Variants in SLC25A26 observed in about 807,000 individuals in gnomAD.
The protein encoded by SLC25A26 is solute carrier family 25 member 26, also known as mitochondrial S-adenosylmethionine carrier protein.
Under a neutral mutation model 37.8 loss-of-function variants are expected in SLC25A26, and 36 were observed. That is an observed-to-expected ratio of 0.95 (90% CI 0.73 to 1.26). The LOEUF (loss-of-function observed/expected upper bound fraction) is 1.26. Ranked by LOEUF, SLC25A26 falls within the 50% of genes most tolerant of loss-of-function variation. The pLI is 0.00. For missense variants in SLC25A26, 390 were observed against 331.1 expected, an observed-to-expected ratio of 1.18 and a Z score of -1.38; for synonymous variants, 129 against 122.5, an observed-to-expected ratio of 1.05 and a Z score of -0.35.
Position 66,370,514 on chromosome 3 carries a change from T to G in SLC25A26, c.634-15T>G, listed in dbSNP as rs377402280. The stretch of plus-strand genomic sequence containing the variant: ...CTTCAGAAGATAACGGGTTTCTCTT[T>G]GTCTGTTCACACAGGCTGGCTCCAG... On this transcript the variant is annotated splice_polypyrimidine_tract_variant and intron_variant, in intron 8 of 9. Transcript: ENST00000354883. 6.5e-5 allele frequency: 105 copies of G among 1,612,024 alleles called. No homozygotes were observed. The African/African-American group carries it at 1.2e-3, about 18-fold the overall frequency.
intron 1 of SLC25A26, among the ~76,000 whole-genome samples, chr3:66,181,309 T>A (rs1342721279): frequency 2.0e-5 from 3 of 152,224 alleles, no homozygotes. Context: ...TCCCAGTTGA[T>A]CACTTACTAG....
intron 1 of SLC25A26, among the ~76,000 whole-genome samples, chr3:66,172,605 G>A (rs1355748663): frequency 6.6e-6 from 1 of 152,146 alleles, no homozygotes; most frequent in Non-Finnish European, 1.5e-5. Context: ...TTAAACAACA[G>A]AAATATATTG....
At chr3:66,319,302 C>T (rs1278106474) in intron 5 of SLC25A26, among the ~76,000 whole-genome samples, 1 of 151,888 alleles carries the variant, frequency 6.6e-6, no homozygotes, top group African/African-American at 2.4e-5. Flanking sequence ...GAGGGAGTGC[C>T]AGAGACAAGT....
At chr3:66,290,538 T>G (rs1047488437) in intron 5 of SLC25A26, among the ~76,000 whole-genome samples, 1 of 152,208 alleles carries the variant, frequency 6.6e-6, no homozygotes, top group African/African-American at 2.4e-5. Flanking sequence ...ATGTTGAATT[T>G]TATTGAAGGC....
intron 1 of SLC25A26, among the ~76,000 whole-genome samples, chr3:66,192,053 A>C (rs1302354428): frequency 6.6e-6 from 1 of 152,110 alleles, no homozygotes; most frequent in African/African-American, 2.4e-5. Flanking sequence ...GCAATGGCTC[A>C]CGCCTGTAAT....
intron 6 of SLC25A26, among the ~76,000 whole-genome samples, chr3:66,357,584 C>T (rs1202163226): frequency 6.6e-6 from 1 of 152,050 alleles, no homozygotes; most frequent in Non-Finnish European, 1.5e-5. Flanking sequence ...CATTCGGGCC[C>T]CTTAATGCCC....
chr3:66,174,178 T>C (rs2070540990), intron 1 of SLC25A26, among the ~76,000 whole-genome samples: 1 of 152,334 alleles, frequency 6.6e-6, no homozygotes, highest in Non-Finnish European at 1.5e-5. Flanking sequence ...ACAAGACTTA[T>C]TTAATTCTTC....
At chr3:66,364,861 G>T (rs1296470887) in intron 7 of SLC25A26, among the ~76,000 whole-genome samples, 1 of 152,056 alleles carries the variant, frequency 6.6e-6, no homozygotes, top group Admixed American at 6.5e-5. Context: ...TTTTTCTGCT[G>T]AAGTTCTGAT....
chr3:66,186,389 C>G (rs1256548699), intron 1 of SLC25A26, among the ~76,000 whole-genome samples: 2 of 151,898 alleles, frequency 1.3e-5, no homozygotes, highest in Non-Finnish European at 2.9e-5. Context: ...TAAATGAAAT[C>G]TGACCATGAT....
chr3:66,340,600 T>G (rs1293995187), intron 5 of SLC25A26, among the ~76,000 whole-genome samples: 1 of 152,018 alleles, frequency 6.6e-6, no homozygotes, highest in Non-Finnish European at 1.5e-5. Flanking sequence ...GTTTTGAGGT[T>G]GGGGTCAAGG....
intron 5 of SLC25A26, among the ~76,000 whole-genome samples, chr3:66,297,403 T>A (rs1485724367): frequency 6.6e-6 from 1 of 152,158 alleles, no homozygotes; most frequent in Non-Finnish European, 1.5e-5. Flanking sequence ...GTAAAGTCAT[T>A]TTTTCTTTTT....
intron 1 of SLC25A26, among the ~76,000 whole-genome samples, chr3:66,230,578 C>T (rs1279172933): frequency 4.0e-5 from 6 of 149,868 alleles, no homozygotes; most frequent in Middle Eastern, 3.5e-3. Context: ...CTGAGGTGGG[C>T]GGATCACCTG....
At position 66,378,081 on chromosome 3, in the gene SLC25A26, G is replaced by A. The variant is rs935640791; in HGVS notation, c.*274G>A. 1.5e-5 allele frequency: 5 copies of A among 326,166 alleles called. No individual in the cohort carries two copies. Among genetic ancestry groups the A allele is most frequent in the East Asian group, 4.9e-5 (1 of 20,394 alleles). 20.2% of individuals were successfully genotyped at this position (326,166 alleles called of 1,614,324 possible). ...TAATAAATAAGTTTGGTAATGCTGA[G>A]GCCAGGCCTTTTAGAGCTTTCATTT... On this transcript the variant is annotated 3_prime_UTR_variant, in exon 10 of 10. Transcript: ENST00000354883.
intron 1 of SLC25A26, among the ~76,000 whole-genome samples, chr3:66,199,367 A>G (rs1460849877): frequency 6.6e-6 from 1 of 151,962 alleles, no homozygotes; most frequent in Non-Finnish European, 1.5e-5. Context: ...CCTTCCCTGA[A>G]CAATGACTCT....
At chr3:66,353,263 C>T (rs1455526131) in intron 6 of SLC25A26, among the ~76,000 whole-genome samples, 2 of 152,094 alleles carry the variant, frequency 1.3e-5, no homozygotes, top group East Asian at 3.9e-4. Flanking sequence ...AAAGCAAGAA[C>T]AGCCAACATT....
chr3:66,342,274 G>C (rs964469465), intron 5 of SLC25A26, among the ~76,000 whole-genome samples: 7 of 152,128 alleles, frequency 4.6e-5, no homozygotes, highest in African/African-American at 1.7e-4. Flanking sequence ...TTGCTAGAGA[G>C]TTCTGGGTTA....
intron 5 of SLC25A26, among the ~76,000 whole-genome samples, chr3:66,300,251 G>GTTTTTTTTTTTTTTTTTTTTTTTT (rs1309490705): frequency 1.8e-5 from 2 of 111,614 alleles, no homozygotes; most frequent in South Asian, 2.9e-4. Flanking sequence ...GGGTTTTTTT[G>GTTTTTTTTTTTTTTTTTTTTTTTT]TTTTGTTTTT....
intron 3 of SLC25A26, among the ~76,000 whole-genome samples, chr3:66,254,325 A>G (rs1474134081): frequency 1.3e-5 from 2 of 152,224 alleles, no homozygotes; most frequent in African/African-American, 4.8e-5. Context: ...CCTGCTTTCT[A>G]AAGAGAATTT....
chr3:66,339,671 C>T (rs1383158618), intron 5 of SLC25A26, among the ~76,000 whole-genome samples: 1 of 151,890 alleles, frequency 6.6e-6, no homozygotes, highest in Non-Finnish European at 1.5e-5. Context: ...TCTATTTGTG[C>T]ATCTTCTCTA....
Sources: allele counts gnomAD v4.1 joint callset (sites outside exome capture counted in the v4.1 genomes callset), GRCh38; gene constraint gnomAD v4.1.1; transcripts MANE v1.5; gene names NCBI Gene and HGNC (gene_info 2026-07-23, HGNC 2026-07-21).